Variants in ZDHHC7 observed in about 807,000 individuals in gnomAD.
ZDHHC7 encodes the protein palmitoyltransferase ZDHHC7.
ZDHHC7 carries 12 observed loss-of-function variants against 34.1 expected under a neutral mutation model. The ratio of observed to expected loss-of-function variants is 0.35; its 90% CI spans 0.23 to 0.57. The LOEUF is 0.57. Ranked by LOEUF, ZDHHC7 falls within the 20% of genes least tolerant of loss-of-function variation. The probability of loss-of-function intolerance (pLI) is 0.84; values close to 1 mark genes in which losing one functional copy is unlikely to be tolerated. For missense variants in ZDHHC7, 388 were observed against 402.7 expected (o/e 0.96, Z 0.31); for synonymous variants, 185 against 155.4 (o/e 1.19, Z -1.42).
chr16:85,006,346 G>A (rs1405581268), intron 1 of ZDHHC7, among the ~76,000 whole-genome samples: 1 of 152,048 alleles, frequency 6.6e-6, no homozygotes, highest in African/African-American at 2.4e-5. Flanking sequence ...GTAACAGAGA[G>A]AGACCCTGTC....
chr16:84,985,579 A>G (rs940864442), intron 3 of ZDHHC7, among the ~76,000 whole-genome samples: 1 of 152,214 alleles, frequency 6.6e-6, no homozygotes, highest in Non-Finnish European at 1.5e-5. Flanking sequence ...AGATTAATTA[A>G]AAGAGATGTC....
At position 84,998,824 on chromosome 16, in the gene ZDHHC7, G is replaced by A. The variant is rs182071778; in HGVS notation, c.-103-2817C>T. ...GCTGGAGTGCAGTGGCGCGATCTCG[G>A]CTCACCGCAACTTCCGCCTCTGGGG... On this transcript the variant is annotated intron_variant, in intron 1 of 7. Transcript: ENST00000313732. Among the ~76,000 whole-genome samples, 425 of 149,954 alleles carry A rather than the reference G, an allele frequency of 2.8e-3. 3 individuals carry two copies. Among genetic ancestry groups the A allele is most frequent in the African/African-American group, 0.01 (409 of 40,452 alleles).
chr16:85,004,301 C>T (rs1488918386), intron 1 of ZDHHC7, among the ~76,000 whole-genome samples: 2 of 152,072 alleles, frequency 1.3e-5, no homozygotes, highest in East Asian at 1.9e-4. Context: ...AATCCGACCA[C>T]TTCTCCCACC....
At chr16:85,006,430 C>T (rs1018865279) in intron 1 of ZDHHC7, among the ~76,000 whole-genome samples, 2 of 152,024 alleles carry the variant, frequency 1.3e-5, no homozygotes, top group African/African-American at 4.8e-5. Context: ...ATATATAGGG[C>T]CAGGTGCAGT....
chr16:84,994,643 C>G lies in ZDHHC7; in HGVS notation c.-18+1279G>C, dbSNP rs562659707. On this transcript the variant is annotated intron_variant, in intron 2 of 7. Transcript: ENST00000313732. Reference sequence around the variant, plus strand: ...GATGCTGCTGTGGCTCCATGCCTGACCTGGGGGTGCGGATGGCAGGCACAG... The same window carrying G: ...GATGCTGCTGTGGCTCCATGCCTGAGCTGGGGGTGCGGATGGCAGGCACAG... 2.6e-5 allele frequency among the ~76,000 whole-genome samples: 4 copies of G among 152,298 alleles called. No homozygotes were observed. The South Asian group carries it at 8.3e-4, about 32-fold the overall frequency.
intron 1 of ZDHHC7, among the ~76,000 whole-genome samples, chr16:85,000,663 G>C (rs1180798093): frequency 6.6e-6 from 1 of 152,098 alleles, no homozygotes; most frequent in Non-Finnish European, 1.5e-5. Flanking sequence ...CCTGTTTTAG[G>C]ACAGAAGGTT....
rs557976528 is a variant in ZDHHC7 at position 84,995,144 on chromosome 16, A to G, written c.-18+778T>C. On this transcript the variant is annotated intron_variant, in intron 2 of 7. Transcript: ENST00000313732. ...AGACAGTTTCTGAGGGAACCGTGAAACACTGGGCACTCTCACACAGATGCC... is the reference window on the plus strand; with the variant it reads ...AGACAGTTTCTGAGGGAACCGTGAAGCACTGGGCACTCTCACACAGATGCC... 9.2e-5 allele frequency among the ~76,000 whole-genome samples: 14 copies of G among 152,334 alleles called. No homozygotes were observed. In the East Asian group the frequency reaches 2.7e-3, roughly 29 times the overall value.
In ZDHHC7 at chr16:84,981,861, C is replaced by T. The variant is rs1168515315; in HGVS notation, c.440+9G>A. 1.2e-5 allele frequency: 20 copies of T among 1,613,582 alleles called. No individual in the cohort carries two copies. The highest frequency in any genetic ancestry group is 1.7e-5 in the Admixed American group (1 of 59,986). On this transcript the variant is annotated intron_variant, in intron 4 of 7. Coordinates refer to ENST00000313732, the MANE Select transcript of ZDHHC7 (RefSeq NM_017740.3). ...GATGCGCTCGGGTTTAATACAGCAG[C>T]GCACGTACCTGCAGTGGTGGGCGCG...
At chr16:85,009,812 G>C (rs1327829483) in intron 1 of ZDHHC7, among the ~76,000 whole-genome samples, 1 of 149,792 alleles carries the variant, frequency 6.7e-6, no homozygotes. Context: ...GGGTTCACGT[G>C]ATTCTCTTGC....
intron 1 of ZDHHC7, among the ~76,000 whole-genome samples, 190 bp downstream of exon 1, chr16:85,011,096 A>G (rs1412362870): frequency 1.3e-5 from 2 of 152,230 alleles, no homozygotes; most frequent in Admixed American, 6.5e-5. Context: ...AAGGAATGAC[A>G]AGGGGGCACC....
chr16:85,019,593 T>C, the ZDHHC7 span, among the ~76,000 whole-genome samples: 1 of 152,100 alleles, frequency 6.6e-6, no homozygotes, highest in African/African-American at 2.4e-5. Context: ...GGCAGGCACC[T>C]GTAATCCCAG....
intron 1 of ZDHHC7, among the ~76,000 whole-genome samples, chr16:85,010,180 C>A (rs1472031684): frequency 1.3e-5 from 2 of 151,614 alleles, no homozygotes; most frequent in Non-Finnish European, 2.9e-5. Flanking sequence ...CCACCATATC[C>A]GGCTAATTTT....
At chr16:84,977,430 G>C in intron 6 of ZDHHC7, 1 of 611,862 alleles carries the variant, frequency 1.6e-6, no homozygotes. Context: ...TGACTTCCTG[G>C]CCAGTGGTTT....
the ZDHHC7 span, among the ~76,000 whole-genome samples, chr16:85,023,073 C>G: frequency 1.3e-5 from 2 of 152,282 alleles, no homozygotes; most frequent in African/African-American, 4.8e-5. Flanking sequence ...CCCCTAGAGC[C>G]TCTGAAAGGA....
intron 1 of ZDHHC7, among the ~76,000 whole-genome samples, chr16:85,002,282 G>A (rs1278063717): frequency 6.6e-6 from 1 of 151,804 alleles, no homozygotes; most frequent in Non-Finnish European, 1.5e-5. Context: ...CACAGGGACA[G>A]TTTCTAACGA....
Position 84,977,932 on chromosome 16 carries a change from T to C in ZDHHC7, c.611A>G (p.Gln204Arg), listed in dbSNP as rs770136123. ...ATAGCCAGGGAACTTACCAGTCCAC[T>C]GCCCTCGGACACAGGAGATGAACTG... ...GFQFISCVRG[Q>R]WTECSDFSPP... The change falls in exon 6 of 8, where the codon CAG becomes CGG. Residue 204 changes from glutamine to arginine, a missense_variant. By Grantham distance (43) the Gln-to-Arg change is conservative. Coordinates refer to ENST00000313732, the MANE Select transcript of ZDHHC7 (RefSeq NM_017740.3). 1.9e-6 allele frequency: 3 copies of C among 1,613,720 alleles called. No individual in the cohort carries two copies. Among genetic ancestry groups the C allele is most frequent in the Non-Finnish European group, 2.5e-6 (3 of 1,179,782 alleles).
intron 5 of ZDHHC7, 69 bp from the exon 6 acceptor site, chr16:84,978,074 G>A (rs2072321527): frequency 1.5e-6 from 2 of 1,320,986 alleles, no homozygotes; most frequent in African/African-American, 1.5e-5. Context: ...GTCTCCCTCT[G>A]TTGTCCAGGC....
At chr16:85,007,421 T>TAAA (rs2072732470) in intron 1 of ZDHHC7, among the ~76,000 whole-genome samples, 1 of 71,154 alleles carries the variant, frequency 1.4e-5, no homozygotes, top group African/African-American at 6.1e-5. Context: ...ATACTCCATC[T>TAAA]CAAAAAAAAA....
chr16:85,005,466 T>G (rs1414710910), intron 1 of ZDHHC7, among the ~76,000 whole-genome samples: 1 of 152,168 alleles, frequency 6.6e-6, no homozygotes, highest in African/African-American at 2.4e-5. Context: ...GCCAGGCGTA[T>G]CACGAGCTCA....
Sources: gnomAD v4.1 joint callset for allele counts (sites outside exome capture counted in the v4.1 genomes callset) on GRCh38, gnomAD v4.1.1 for gene constraint, MANE v1.5 for transcripts, NCBI Gene and HGNC (gene_info 2026-07-23, HGNC 2026-07-21) for gene names.